The following MEGF10 variants were observed in gnomAD, a reference collection of about 807,000 sequenced individuals.
The protein encoded by MEGF10 is multiple EGF like domains 10, also known as multiple epidermal growth factor-like domains protein 10.
Under a neutral mutation model 147.5 loss-of-function variants are expected in MEGF10, and 86 were observed. That is an observed-to-expected ratio of 0.58 (90% CI 0.49 to 0.70). The LOEUF is 0.70. Ranked by LOEUF, MEGF10 falls within the 30% of genes least tolerant of loss-of-function variation. The pLI, the probability that MEGF10 is intolerant of heterozygous loss-of-function variation, is 0.00. For synonymous variants in MEGF10, 478 were observed against 525.5 expected (o/e 0.91, Z 1.24); for missense variants, 1,329 against 1,487.3 (o/e 0.89, Z 1.75).
At chr5:127,258,764 C>T in the MEGF10 span, among the ~76,000 whole-genome samples, 1 of 152,066 alleles carries the variant, frequency 6.6e-6, no homozygotes. Context: ...GTCCTTCTGC[C>T]ATGTGATGCA....
chr5:127,231,445 C>T, the MEGF10 span, among the ~76,000 whole-genome samples: 1 of 152,174 alleles, frequency 6.6e-6, no homozygotes, highest in African/African-American at 2.4e-5. Context: ...AGCACCTTCC[C>T]ATCCATCAGG....
chr5:127,398,822 C>A, intron 7 of MEGF10, 26 bp downstream of exon 7: 3 of 1,612,776 alleles, frequency 1.9e-6, no homozygotes, highest in Non-Finnish European at 2.5e-6. Context: ...ACCTCCTCTG[C>A]CCCTGCCCCA....
intron 9 of MEGF10, among the ~76,000 whole-genome samples, chr5:127,411,327 G>A (rs181384442): frequency 7.9e-5 from 12 of 152,304 alleles, no homozygotes; most frequent in Admixed American, 2.0e-4. Flanking sequence ...CAGACTGCTG[G>A]AAAAGCTGAG....
chr5:127,239,376 GACACACAC>G, the MEGF10 span, among the ~76,000 whole-genome samples: 13 of 123,468 alleles, frequency 1.1e-4, no homozygotes, highest in Admixed American at 2.6e-4. Flanking sequence ...GATGATGGAA[GACACACAC>G]ACACACACAC....
At chr5:127,388,819 G>C (rs1410770144) in intron 5 of MEGF10, among the ~76,000 whole-genome samples, 1 of 152,098 alleles carries the variant, frequency 6.6e-6, no homozygotes, top group African/African-American at 2.4e-5. Flanking sequence ...TGCTGGGATT[G>C]CAGGCATGAG....
At chr5:127,391,403 TC>T (rs1306724117) in intron 5 of MEGF10, among the ~76,000 whole-genome samples, 1 of 151,052 alleles carries the variant, frequency 6.6e-6, no homozygotes, top group Non-Finnish European at 1.5e-5. Context: ...TGATGAAACC[TC>T]ATCTCTACCA....
chr5:127,310,526 A>T (rs1170931638), intron 1 of MEGF10, among the ~76,000 whole-genome samples: 1 of 152,122 alleles, frequency 6.6e-6, no homozygotes, highest in Admixed American at 6.5e-5. Context: ...CTTTCTCTGT[A>T]ATACCACAAA....
chr5:127,253,974 A>G, the MEGF10 span, among the ~76,000 whole-genome samples: 2 of 152,130 alleles, frequency 1.3e-5, no homozygotes, highest in African/African-American at 2.4e-5. Flanking sequence ...TGTCAAAGTC[A>G]TACATATTCA....
chr5:127,388,338 G>A (rs1370031647), intron 5 of MEGF10, among the ~76,000 whole-genome samples: 1 of 151,500 alleles, frequency 6.6e-6, no homozygotes, highest in Non-Finnish European at 1.5e-5. Context: ...TTATAGAGAT[G>A]GGATTTCGCC....
At chr5:127,422,805 A>T (rs1216518253) in intron 13 of MEGF10, 33 bp downstream of exon 13, 10 of 1,529,122 alleles carry the variant, frequency 6.5e-6, no homozygotes, top group Admixed American at 3.4e-5. Context: ...TGAAAGGTGA[A>T]ACCCGCCAAT....
At chr5:127,342,163 A>T (rs1420524266) in intron 4 of MEGF10, among the ~76,000 whole-genome samples, 1 of 152,182 alleles carries the variant, frequency 6.6e-6, no homozygotes, top group Non-Finnish European at 1.5e-5. Context: ...GAGAATAATC[A>T]TGAGCAGATC....
At chr5:127,247,401 GA>G in the MEGF10 span, among the ~76,000 whole-genome samples, 318 of 54,604 alleles carry the variant, frequency 5.8e-3, 55 homozygotes, top group African/African-American at 0.029. Flanking sequence ...AGAAGAAGAA[GA>G]AGAAGAAGAA....
the MEGF10 span, among the ~76,000 whole-genome samples, chr5:127,244,896 T>A: frequency 6.6e-5 from 10 of 152,022 alleles, no homozygotes; most frequent in Non-Finnish European, 7.4e-5. Context: ...AAATAAAGAA[T>A]TTTAGAAATG....
chr5:127,434,871 G>A (rs748449098), intron 15 of MEGF10, 50 bp downstream of exon 15: 1 of 1,581,818 alleles, frequency 6.3e-7, no homozygotes, highest in Non-Finnish European at 8.6e-7. Context: ...GCACGCCCCG[G>A]AGAGTCTGTC....
At chr5:127,295,024 G>A (rs1759436638) in intron 1 of MEGF10, among the ~76,000 whole-genome samples, 2 of 152,122 alleles carry the variant, frequency 1.3e-5, no homozygotes, top group South Asian at 4.2e-4. Context: ...GAAAGGAAGT[G>A]CCAATGCCAA....
chr5:127,402,497 T>C, intron 7 of MEGF10, 49 bp from the exon 8 acceptor site: 1 of 1,586,786 alleles, frequency 6.3e-7, no homozygotes, highest in Non-Finnish European at 8.6e-7. Flanking sequence ...ATCAGTTGTC[T>C]TTCCCTGGCT....
At chr5:127,368,928 G>T (rs1561599022) in intron 4 of MEGF10, among the ~76,000 whole-genome samples, 1 of 151,952 alleles carries the variant, frequency 6.6e-6, no homozygotes, top group Non-Finnish European at 1.5e-5. Context: ...ATTTCTGAAG[G>T]TTCTACATCC....
Position 127,396,656 on chromosome 5 carries a change from G to C in MEGF10, c.537G>C (p.Glu179Asp). 6.2e-7 allele frequency: 1 copy of C among 1,614,090 alleles called. No homozygotes were observed. The highest frequency in any genetic ancestry group is 8.5e-7 in the Non-Finnish European group (1 of 1,180,020). The change falls in exon 6 of 25, where the codon GAG becomes GAC. Residue 179 changes from glutamate to aspartate, a missense_variant. Glu to Asp is a conservative substitution (Grantham distance 45). Transcript: ENST00000503335. ...CAAGFRGWRC[E>D]DRCEQGTYGN... The stretch of plus-strand genomic sequence containing the variant: ...CGGGCTTCCGGGGCTGGCGCTGCGA[G>C]GACCGCTGTGAGCAGGGCACCTATG...
chr5:127,418,114 A>G (rs1764847577), intron 10 of MEGF10, among the ~76,000 whole-genome samples: 1 of 152,186 alleles, frequency 6.6e-6, no homozygotes, highest in South Asian at 2.1e-4. Context: ...ATAGGTGACA[A>G]AGAAGTTACT....
Sources: gnomAD v4.1 joint callset for allele counts (sites outside exome capture counted in the v4.1 genomes callset) on GRCh38, gnomAD v4.1.1 for gene constraint, MANE v1.5 for transcripts, NCBI Gene and HGNC (gene_info 2026-07-23, HGNC 2026-07-21) for gene names.